POLR3B: variants seen among roughly 807,000 people sequenced by gnomAD.
The protein encoded by POLR3B is DNA-directed RNA polymerase III subunit RPC2.
In POLR3B, 96 loss-of-function variants were observed where a neutral mutation model predicts 147.4. That is an observed-to-expected ratio of 0.65 (90% CI 0.55 to 0.77). The LOEUF (loss-of-function observed/expected upper bound fraction) is 0.77. Among genes scored for constraint, POLR3B ranks in the 30% least tolerant of loss-of-function variants. The pLI is 0.00. For synonymous variants in POLR3B, 461 were observed against 485.9 expected (o/e 0.95, Z 0.67); for missense variants, 1,036 against 1,413.5 (o/e 0.73, Z 4.28).
chr12:106,509,614 A>G lies in POLR3B; in HGVS notation c.*65A>G, dbSNP rs1455988044. 1 of 1,426,508 alleles carries G rather than the reference A, an allele frequency of 7.0e-7. No individual in the cohort carries two copies. The allele number at this position is 1,426,508 out of a possible 1,614,324, so 88.4% of individuals were successfully genotyped here. A position where few individuals can be genotyped will look rare whatever the true frequency, so the allele number is the denominator to read the frequency against. ...TCCAATGCAACGGAAAGCAGAAGGG[A>G]TTTAGGACTACGTCTCCTCCTGTGA... On this transcript the variant is annotated 3_prime_UTR_variant, in exon 28 of 28. Coordinates refer to ENST00000228347, the MANE Select transcript of POLR3B (RefSeq NM_018082.6).
chr12:106,370,345 T>TTA (rs1490854452), intron 6 of POLR3B, among the ~76,000 whole-genome samples: 1 of 152,168 alleles, frequency 6.6e-6, no homozygotes, highest in African/African-American at 2.4e-5. Flanking sequence ...GCTGAGTACT[T>TTA]AGGTGAGTAA....
intron 19 of POLR3B, among the ~76,000 whole-genome samples, chr12:106,453,245 C>G (rs1347368061): frequency 1.3e-5 from 2 of 152,050 alleles, no homozygotes; most frequent in Non-Finnish European, 2.9e-5. Flanking sequence ...CTCCTAAGCT[C>G]AAGCAGTCCA....
intron 4 of POLR3B, among the ~76,000 whole-genome samples, chr12:106,367,420 T>C (rs905019066): frequency 6.6e-6 from 1 of 152,236 alleles, no homozygotes; most frequent in African/African-American, 2.4e-5. Flanking sequence ...CCTTATTTGA[T>C]GTTTTCTCAC....
chr12:106,487,449 A>G (rs984539276), intron 23 of POLR3B, among the ~76,000 whole-genome samples: 1 of 152,194 alleles, frequency 6.6e-6, no homozygotes, highest in Non-Finnish European at 1.5e-5. Flanking sequence ...TTGATTTAGT[A>G]TACCTTTGTG....
At chr12:106,413,924 A>T (rs1241796815) in intron 12 of POLR3B, among the ~76,000 whole-genome samples, 1 of 151,790 alleles carries the variant, frequency 6.6e-6, no homozygotes, top group African/African-American at 2.4e-5. Context: ...TATTTTTGGT[A>T]ATTTATTGGT....
intron 12 of POLR3B, among the ~76,000 whole-genome samples, chr12:106,412,363 G>T (rs998367836): frequency 3.9e-5 from 6 of 152,094 alleles, no homozygotes; most frequent in Admixed American, 2.6e-4. Flanking sequence ...TGTGGAATTT[G>T]GAATTTCCTC....
chr12:106,374,643 T>C (rs1452060104), intron 6 of POLR3B, among the ~76,000 whole-genome samples: 1 of 151,964 alleles, frequency 6.6e-6, no homozygotes, highest in Non-Finnish European at 1.5e-5. Flanking sequence ...GCCTCCTGAG[T>C]AGCTGGGACT....
chr12:106,421,203 T>C (rs1017322120), intron 12 of POLR3B, among the ~76,000 whole-genome samples: 5 of 152,038 alleles, frequency 3.3e-5, no homozygotes, highest in Non-Finnish European at 7.4e-5. Context: ...ATCAAGGACT[T>C]TGTATTGTTT....
At chr12:106,433,959 C>A in intron 16 of POLR3B, 87 bp downstream of exon 16, 1 of 1,049,418 alleles carries the variant, frequency 9.5e-7, no homozygotes, top group Non-Finnish European at 1.4e-6. Context: ...ATTTTTGAAA[C>A]TGTTTTAACC....
At position 106,359,887 on chromosome 12, in the gene POLR3B, A is replaced by G. The variant is rs144402490; in HGVS notation, c.72+1936A>G. On this transcript the variant is annotated intron_variant, in intron 1 of 27. Coordinates refer to ENST00000228347, the MANE Select transcript of POLR3B (RefSeq NM_018082.6). ...ACTCGAGTCTTCATCCCTAACTGCT[A>G]TCGGACCGCTTCTCCAGAGAGCTGA... 1.4e-4 allele frequency among the ~76,000 whole-genome samples: 21 copies of G among 152,346 alleles called. No individual in the cohort carries two copies. The East Asian group carries it at 4.0e-3, about 29-fold the overall frequency.
At position 106,427,311 on chromosome 12, in the gene POLR3B, A is replaced by T; in HGVS notation, c.1216A>T (p.Met406Leu). ...RAAQFDVVKH[M>L]RQDQITNGMV... The stretch of plus-strand genomic sequence containing the variant: ...AGCCCAGTTTGATGTTGTCAAACAC[A>T]TGCGCCAAGACCAGATCACCAATGG... Residue 406 changes from methionine to leucine, a missense_variant, in exon 13 of 28, where the codon ATG becomes TTG. Around this residue, in one of 12 missense-constraint regions of POLR3B, gnomAD observed 89 missense variants for 110.9 expected, o/e 0.80. Coordinates refer to ENST00000228347, the MANE Select transcript of POLR3B (RefSeq NM_018082.6). 6.2e-7 allele frequency: 1 copy of T among 1,613,646 alleles called. No homozygotes were observed. Among genetic ancestry groups the T allele is most frequent in the Non-Finnish European group, 8.5e-7 (1 of 1,179,672 alleles).
chr12:106,383,462 C>T (rs960718222), intron 9 of POLR3B, among the ~76,000 whole-genome samples: 1 of 151,478 alleles, frequency 6.6e-6, no homozygotes, highest in African/African-American at 2.4e-5. Context: ...ACATGCAACC[C>T]TTTTTTTTAC....
At chr12:106,401,998 A>G (rs904117326) in intron 10 of POLR3B, among the ~76,000 whole-genome samples, 5 of 152,222 alleles carry the variant, frequency 3.3e-5, no homozygotes, top group Admixed American at 1.3e-4. Flanking sequence ...AGAGTATTCA[A>G]TTAGGAAAAG....
intron 20 of POLR3B, among the ~76,000 whole-genome samples, chr12:106,456,870 G>A (rs1469413277): frequency 6.6e-6 from 1 of 152,174 alleles, no homozygotes; most frequent in Non-Finnish European, 1.5e-5. Context: ...CCGTTCTCCA[G>A]TATGACAAGG....
chr12:106,419,930 TC>T (rs2037352590), intron 12 of POLR3B, among the ~76,000 whole-genome samples: 3 of 151,660 alleles, frequency 2.0e-5, no homozygotes, highest in Non-Finnish European at 4.4e-5. Context: ...GTTTTGTGGG[TC>T]AAGAATTCAG....
intron 23 of POLR3B, among the ~76,000 whole-genome samples, chr12:106,487,246 A>G (rs2038352878): frequency 6.6e-6 from 1 of 152,218 alleles, no homozygotes; most frequent in African/African-American, 2.4e-5. Flanking sequence ...TCACACCACG[A>G]TTCCTGCAGA....
In POLR3B at chr12:106,496,752, G is replaced by A; in HGVS notation, c.2818G>A (p.Val940Met). The part of the protein sequence containing the change: ...NPHGFPSRMT[V>M]GKLIELLAGK... ...CACTTAATTTGTTCACATCCTGCAG[G>A]TGGGGAAGCTCATTGAGCTGCTGGC... Residue 940 changes from valine (V) to methionine (M), a missense_variant and splice_region_variant, in exon 25 of 28, where the codon GTG becomes ATG. By Grantham distance (21) the Val-to-Met change is conservative. This residue lies in a region of POLR3B where 15 missense variants were observed against 38.1 expected (regional missense o/e 0.39). Transcript: ENST00000228347. 1 of 1,614,074 alleles carries A rather than the reference G, an allele frequency of 6.2e-7. No homozygotes were observed. Among genetic ancestry groups the A allele is most frequent in the South Asian group, 1.1e-5 (1 of 91,086 alleles).
At chr12:106,451,637 G>GT (rs1429314958) in intron 19 of POLR3B, among the ~76,000 whole-genome samples, 1 of 137,332 alleles carries the variant, frequency 7.3e-6, no homozygotes, top group Non-Finnish European at 1.6e-5. Flanking sequence ...AAAAGGCGGG[G>GT]GGGGAGGAGA....
chr12:106,431,698 A>G (rs186609450), intron 14 of POLR3B, among the ~76,000 whole-genome samples: 72 of 152,344 alleles, frequency 4.7e-4, no homozygotes, highest in Admixed American at 4.1e-3. Context: ...ACATTGAACA[A>G]TACTATAATC....
Sources: allele counts gnomAD v4.1 joint callset (sites outside exome capture counted in the v4.1 genomes callset), GRCh38; gene constraint gnomAD v4.1.1; regional missense constraint gnomAD v4.1.1; transcripts MANE v1.5; gene names NCBI Gene and HGNC (gene_info 2026-07-23, HGNC 2026-07-21).